The following CTNNA1 variants were observed in gnomAD, a reference collection of about 807,000 sequenced individuals.
The protein encoded by CTNNA1 is catenin alpha-1.
CTNNA1 carries 37 observed loss-of-function variants against 98.4 expected under a neutral mutation model. That is an observed-to-expected ratio of 0.38 (90% confidence interval 0.29 to 0.49). The LOEUF is 0.49. Among genes scored for constraint, CTNNA1 ranks in the 20% least tolerant of loss-of-function variants. The probability of loss-of-function intolerance (pLI) is 0.95; values close to 1 mark genes in which losing one functional copy is unlikely to be tolerated. For missense variants in CTNNA1, 761 were observed against 1,147.2 expected (o/e 0.66, Z 4.86); for synonymous variants, 404 against 413.2 (o/e 0.98, Z 0.27).
chr5:138,870,726 T>C (rs374954530), intron 7 of CTNNA1: 1 of 152,248 alleles, frequency 6.6e-6, no homozygotes, highest in African/African-American at 2.4e-5. Flanking sequence ...AGTTGTGTTG[T>C]GACCAAGCTG....
In CTNNA1 at chr5:138,893,543, TC is replaced by T. The variant is rs1755982790; in HGVS notation, c.1296+5902del. Among the ~76,000 whole-genome samples, 8 of 152,104 alleles carry T rather than the reference TC, an allele frequency of 5.3e-5. No individual in the cohort carries two copies. The South Asian group carries it at 1.7e-3, about 32-fold the overall frequency. On this transcript the variant is annotated intron_variant, in intron 9 of 17. Transcript: ENST00000302763. ...TGTGTCCTTTCTTTAAAATAAAATATCTTTTCTCCTTTTATCCAACCTGATG... is the reference window on the plus strand; with the variant it reads ...TGTGTCCTTTCTTTAAAATAAAATATTTTTCTCCTTTTATCCAACCTGATG...
At chr5:138,898,251 C>T (rs1437969302) in intron 9 of CTNNA1, among the ~76,000 whole-genome samples, 1 of 144,246 alleles carries the variant, frequency 6.9e-6, no homozygotes, top group African/African-American at 2.6e-5. Flanking sequence ...TTTCCTGAGG[C>T]CTCCTCAGAA....
intron 7 of CTNNA1, among the ~76,000 whole-genome samples, chr5:138,848,167 G>GT (rs1317458075): frequency 1.5e-5 from 1 of 67,288 alleles, no homozygotes; most frequent in African/African-American, 6.4e-5. Flanking sequence ...GACTGTTCTA[G>GT]TCTTGACAGC....
intron 9 of CTNNA1, among the ~76,000 whole-genome samples, chr5:138,900,060 G>T (rs1757702575): frequency 6.6e-6 from 1 of 152,178 alleles, no homozygotes; most frequent in African/African-American, 2.4e-5. Context: ...TCCCCTGTGG[G>T]TTTGGAAGTA....
At chr5:138,795,383 A>C (rs1756846464) in intron 3 of CTNNA1, among the ~76,000 whole-genome samples, 1 of 151,988 alleles carries the variant, frequency 6.6e-6, no homozygotes, top group Non-Finnish European at 1.5e-5. Context: ...GCTTGAACTC[A>C]GGAGGCGGAG....
At chr5:138,759,866 C>T (rs1201451801) in intron 1 of CTNNA1, among the ~76,000 whole-genome samples, 1 of 151,766 alleles carries the variant, frequency 6.6e-6, no homozygotes, top group Non-Finnish European at 1.5e-5. Context: ...TCAACAGTCC[C>T]CAGAATTACA....
At chr5:138,872,030 G>GTGTA (rs1750700351) in intron 7 of CTNNA1, 1 of 85,296 alleles carries the variant, frequency 1.2e-5, no homozygotes, top group Non-Finnish European at 2.2e-5. Flanking sequence ...GCGCGAGAGT[G>GTGTA]TGTGTGTGTG....
In CTNNA1 at chr5:138,896,590, T is replaced by A. The variant is rs1756863274; in HGVS notation, c.1297-7759T>A. Reference sequence around the variant, plus strand: ...GTTGTTTATCCTCAAGGCCAGTGAGTAAGGGGAGCAGGAGCCAGAGGGCTG... The same window carrying A: ...GTTGTTTATCCTCAAGGCCAGTGAGAAAGGGGAGCAGGAGCCAGAGGGCTG... On this transcript the variant is annotated intron_variant, in intron 9 of 17. Transcript: ENST00000302763. Among the ~76,000 whole-genome samples, 3 of 152,268 alleles carry A rather than the reference T, an allele frequency of 2.0e-5. No homozygotes were observed. The South Asian group carries it at 6.2e-4, about 32-fold the overall frequency.
Position 138,794,811 on chromosome 5 carries a change from G to T in CTNNA1, c.301+11439G>T, listed in dbSNP as rs144005978. ...TGAAGTTAGGAGATAATTTTGTGAA[G>T]TCTTGGTCCTGTTATTTTATTATGT... On this transcript the variant is annotated intron_variant, in intron 3 of 17. Transcript: ENST00000302763. 4.0e-3 allele frequency among the ~76,000 whole-genome samples: 607 copies of T among 152,292 alleles called. 8 individuals are homozygous for T. Among genetic ancestry groups the T allele is most frequent in the African/African-American group, 0.013 (531 of 41,560 alleles).
At chr5:138,931,359 C>T (rs1332999887) in intron 16 of CTNNA1, among the ~76,000 whole-genome samples, 1 of 152,182 alleles carries the variant, frequency 6.6e-6, no homozygotes, top group Non-Finnish European at 1.5e-5. Context: ...GTTCCTACCG[C>T]CTGGAAATTG....
At chr5:138,812,021 TA>T in intron 4 of CTNNA1, 161 bp from the exon 5 acceptor site, 1 of 577,836 alleles carries the variant, frequency 1.7e-6, no homozygotes. Context: ...AGCTCCTGTG[TA>T]ATTGCTGTTT....
chr5:138,813,699 C>T (rs1489065868), intron 5 of CTNNA1, among the ~76,000 whole-genome samples: 1 of 152,094 alleles, frequency 6.6e-6, no homozygotes, highest in Non-Finnish European at 1.5e-5. Context: ...CATCATGTAA[C>T]CTCGATTTCC....
chr5:138,841,142 T>C (rs1468397403), intron 7 of CTNNA1, among the ~76,000 whole-genome samples: 1 of 152,228 alleles, frequency 6.6e-6, no homozygotes, highest in Non-Finnish European at 1.5e-5. Context: ...GATGGGATTA[T>C]TTTATTCATT....
At chr5:138,930,427 C>G (rs2150333405) in intron 14 of CTNNA1, 46 bp from the exon 15 acceptor site, 3 of 1,441,426 alleles carry the variant, frequency 2.1e-6, no homozygotes, top group Non-Finnish European at 1.9e-6. Context: ...ACTCTGAGAA[C>G]TTCATATTCT....
intron 7 of CTNNA1, among the ~76,000 whole-genome samples, chr5:138,867,697 C>A (rs1764919234): frequency 6.6e-6 from 1 of 151,924 alleles, no homozygotes; most frequent in Non-Finnish European, 1.5e-5. Flanking sequence ...TTATGGTGAT[C>A]CAGTTCCACT....
Position 138,810,197 on chromosome 5 carries a change from T to C in CTNNA1, c.461T>C (p.Leu154Pro). The C allele has an allele frequency of 6.2e-7, 1 of 1,613,940 alleles. No individual in the cohort carries two copies. Among genetic ancestry groups the C allele is most frequent in the African/African-American group, 1.3e-5 (1 of 75,066 alleles). ...GATGTCTACAAATTACTTGTTCAGC[T>C]GAAAGTTGTAAGTATACAGGCCTAT... ...MADVYKLLVQLKVVEDGILKL... is the reference protein window; with the variant it reads ...MADVYKLLVQPKVVEDGILKL... Residue 154 changes from leucine (L) to proline (P), a missense_variant, in exon 4 of 18, where the codon CTG becomes CCG. Transcript: ENST00000302763.
At chr5:138,932,815 G>A (rs1765657166) in intron 17 of CTNNA1, 103 bp downstream of exon 17, 1 of 1,430,136 alleles carries the variant, frequency 7.0e-7, no homozygotes, top group East Asian at 2.3e-5. Flanking sequence ...CTGGGAAAGT[G>A]TGCTGTGCAG....
intron 8 of CTNNA1, among the ~76,000 whole-genome samples, chr5:138,886,975 A>C (rs552348154): frequency 6.6e-6 from 1 of 152,324 alleles, no homozygotes; most frequent in African/African-American, 2.4e-5. Context: ...TAAAGATAAA[A>C]TATATCTTTA....
chr5:138,798,975 A>C (rs905538676), intron 3 of CTNNA1, among the ~76,000 whole-genome samples: 8 of 151,862 alleles, frequency 5.3e-5, no homozygotes, highest in Admixed American at 3.9e-4. Flanking sequence ...TATCTTTTTA[A>C]ATTTTTAATT....
Sources: gnomAD v4.1 joint callset for allele counts (sites outside exome capture counted in the v4.1 genomes callset) on GRCh38, gnomAD v4.1.1 for gene constraint, MANE v1.5 for transcripts, NCBI Gene and HGNC (gene_info 2026-07-23, HGNC 2026-07-21) for gene names.